Variants in MYH9 observed in about 807,000 individuals in gnomAD.
MYH9 encodes the protein myosin heavy chain 9, also known as myosin-9.
A neutral mutation model predicts 241.9 loss-of-function variants in MYH9; 29 were observed. The observed-to-expected ratio is 0.12, with a 90% CI of 0.09 to 0.16. The LOEUF (loss-of-function observed/expected upper bound fraction) is 0.16. Among genes scored for constraint, MYH9 ranks in the 10% least tolerant of loss-of-function variants. MYH9 has a pLI of 1.00. For synonymous variants in MYH9, 1,047 were observed against 1,062.6 expected (o/e 0.99, Z 0.29); for missense variants, 1,803 against 2,595.5 (o/e 0.69, Z 6.63).
chr22:36,337,166 C>T (rs540136163), intron 3 of MYH9, among the ~76,000 whole-genome samples: 2 of 152,250 alleles, frequency 1.3e-5, no homozygotes, highest in South Asian at 2.1e-4. Context: ...TTGCCCCCCA[C>T]GGAAACTTGA....
intron 3 of MYH9, among the ~76,000 whole-genome samples, chr22:36,336,291 G>A (rs1239368286): frequency 6.6e-6 from 1 of 152,226 alleles, no homozygotes; most frequent in Non-Finnish European, 1.5e-5. Flanking sequence ...TTCTCCTGTA[G>A]AGACATACAC....
At position 36,288,856 on chromosome 22, in the gene MYH9, C is replaced by T. The variant is rs752832018; in HGVS notation, c.4641G>A (p.Glu1547=). ...MKTQLEELED[E]LQATEDAKLR... ...GCTTGGCATCTTCGGTGGCCTGCAGCTCGTCCTCCAGCTCTTCCAGCTGCG... is the reference window on the plus strand; with the variant it reads ...GCTTGGCATCTTCGGTGGCCTGCAGTTCGTCCTCCAGCTCTTCCAGCTGCG... The change falls in exon 33 of 41, where the codon GAG becomes GAA. Residue 1547 remains glutamate (E), a synonymous_variant. Transcript: ENST00000216181. The surrounding 1 kb of genome is among the most constrained non-coding windows in gnomAD (Gnocchi z 4.8). 5.0e-6 allele frequency: 8 copies of T among 1,613,954 alleles called. No homozygotes were observed. In the African/African-American group the frequency reaches 8.0e-5, roughly 16 times the overall value.
chr22:36,351,225 T>C (rs1210324114), intron 1 of MYH9, among the ~76,000 whole-genome samples: 1 of 152,112 alleles, frequency 6.6e-6, no homozygotes, highest in Non-Finnish European at 1.5e-5. Flanking sequence ...GGGACACAAG[T>C]CCCAGGAACA....
At chr22:36,323,935 C>T (rs532795999) in intron 5 of MYH9, among the ~76,000 whole-genome samples, 3 of 152,330 alleles carry the variant, frequency 2.0e-5, no homozygotes, top group East Asian at 3.9e-4. Flanking sequence ...CGGGCTTCCA[C>T]CCACAGGCCT....
chr22:36,305,818 G>A lies in MYH9; in HGVS notation c.2159+112C>T. 1 of 1,476,744 alleles carries A rather than the reference G, an allele frequency of 6.8e-7. No homozygotes were observed. Among genetic ancestry groups the A allele is most frequent in the East Asian group, 2.3e-5 (1 of 43,862 alleles). 91.5% of individuals were successfully genotyped at this position (1,476,744 alleles called of 1,614,324 possible). A position where few individuals can be genotyped will look rare whatever the true frequency, so the allele number is the denominator to read the frequency against. On this transcript the variant is annotated intron_variant, in intron 17 of 40. Coordinates refer to ENST00000216181, the MANE Select transcript of MYH9 (RefSeq NM_002473.6). This position sits in a 1 kb window ranked among gnomAD's most constrained non-coding sequence, Gnocchi z 4.7. The stretch of plus-strand genomic sequence containing the variant: ...GGCCAGACTCAGTTCTACATGGATG[G>A]AGGACGTCGCTCCCTCACGACAGGA...
At chr22:36,322,320 T>C in intron 6 of MYH9, 109 bp downstream of exon 6, 1 of 1,229,946 alleles carries the variant, frequency 8.1e-7, no homozygotes, top group Non-Finnish European at 1.2e-6. Flanking sequence ...GCACCGAGTC[T>C]GAACCGTCCT....
At chr22:36,367,929 G>A (rs193002066) in intron 1 of MYH9, among the ~76,000 whole-genome samples, 21 of 152,160 alleles carry the variant, frequency 1.4e-4, no homozygotes, top group African/African-American at 4.6e-4. Context: ...ACACAGACAC[G>A]TGCAAAGATC....
Position 36,295,264 on chromosome 22 carries a change from T to C in MYH9, c.3486-188A>G, listed in dbSNP as rs1310996327. 2.0e-5 allele frequency among the ~76,000 whole-genome samples: 3 copies of C among 152,214 alleles called. No individual in the cohort carries two copies. The highest frequency in any genetic ancestry group is 1.3e-4 in the Admixed American group (2 of 15,284). On this transcript the variant is annotated intron_variant, in intron 26 of 40. Transcript: ENST00000216181. This position sits in a 1 kb window ranked among gnomAD's most constrained non-coding sequence, Gnocchi z 4.1. ...CAAATACGCCCTGTGAGAGCTTCTG[T>C]AGCCTTTCAGCTTTAAAGCCCAGCC...
intron 31 of MYH9, among the ~76,000 whole-genome samples, chr22:36,291,063 T>G: frequency 5.3e-5 from 7 of 132,150 alleles, no homozygotes; most frequent in African/African-American, 8.9e-5. Flanking sequence ...GGTGGGGGGG[T>G]CAGCCCCCCG....
rs1298823782 is a variant in MYH9, at chr22:36,314,139, A to T, written c.1554+6T>A. On this transcript the variant is annotated splice_donor_region_variant and intron_variant, in intron 13 of 40. Transcript: ENST00000216181. ...GGTGTGAGGTCAAAGCAAGCCTGGT[A>T]CTCACTGGCTTCTCAATGAGGTCGA... 1.2e-6 allele frequency: 2 copies of T among 1,613,610 alleles called. No homozygotes were observed. Among genetic ancestry groups the T allele is most frequent in the East Asian group, 4.5e-5 (2 of 44,888 alleles).
At chr22:36,338,829 A>AG in intron 3 of MYH9, among the ~76,000 whole-genome samples, 1 of 151,956 alleles carries the variant, frequency 6.6e-6, no homozygotes, top group African/African-American at 2.4e-5. Context: ...CAAAAAAAAA[A>AG]AAAAAGAAAA....
At chr22:36,336,345 C>A (rs1380675808) in intron 3 of MYH9, among the ~76,000 whole-genome samples, 2 of 152,230 alleles carry the variant, frequency 1.3e-5, no homozygotes, top group Admixed American at 1.3e-4. Flanking sequence ...GGCCCGGGAT[C>A]CAGAAGCACC....
At chr22:36,380,051 G>A (rs770891323) in intron 1 of MYH9, among the ~76,000 whole-genome samples, 7 of 152,210 alleles carry the variant, frequency 4.6e-5, no homozygotes, top group Non-Finnish European at 1.0e-4. Context: ...CAGGCCGCCC[G>A]CCCATGCAGT....
chr22:36,313,693 C>T (rs890575555), intron 13 of MYH9, among the ~76,000 whole-genome samples: 2 of 152,126 alleles, frequency 1.3e-5, no homozygotes, highest in African/African-American at 2.4e-5. Flanking sequence ...AGCTTTGGTA[C>T]GTGTACACCT....
chr22:36,313,523 C>G (rs561037981), intron 13 of MYH9, among the ~76,000 whole-genome samples: 10 of 150,682 alleles, frequency 6.6e-5, no homozygotes, highest in South Asian at 6.3e-4. Context: ...ACAGATCATA[C>G]CCTCAACAAG....
At chr22:36,357,616 G>C (rs1406947970) in intron 1 of MYH9, among the ~76,000 whole-genome samples, 1 of 152,108 alleles carries the variant, frequency 6.6e-6, no homozygotes, top group East Asian at 1.9e-4. Flanking sequence ...TGATTGAAGG[G>C]GTTCGTGTGA....
intron 3 of MYH9, among the ~76,000 whole-genome samples, chr22:36,334,040 C>T (rs986848260): frequency 2.0e-5 from 3 of 151,834 alleles, no homozygotes; most frequent in African/African-American, 7.3e-5. Context: ...TTTTATCTCC[C>T]GCTCAGTGGG....
chr22:36,282,567 C>CA lies in MYH9; in HGVS notation c.*100dup. 1 of 1,096,890 alleles carries CA rather than the reference C, an allele frequency of 9.1e-7. No homozygotes were observed. The highest frequency in any genetic ancestry group is 2.3e-5 in the East Asian group (1 of 42,604). 67.9% of individuals were successfully genotyped at this position (1,096,890 alleles called of 1,614,324 possible). On this transcript the variant is annotated 3_prime_UTR_variant, in exon 41 of 41. Coordinates refer to ENST00000216181, the MANE Select transcript of MYH9 (RefSeq NM_002473.6). Reference sequence around the variant, plus strand: ...CGGAGGGCAGGAGGAGGCATGTTCACAGCAGTCCCAAGAAGGTGGGGAGAG... The same window carrying CA: ...CGGAGGGCAGGAGGAGGCATGTTCACAAGCAGTCCCAAGAAGGTGGGGAGAG...
Position 36,295,923 on chromosome 22 carries a change from G to A in MYH9, c.3273-206C>T, listed in dbSNP as rs875726. Among the ~76,000 whole-genome samples the A allele has an allele frequency of 0.52, 79,630 of 152,094 alleles. 24,016 individuals carry two copies. The highest frequency in any genetic ancestry group is 0.69 in the Non-Finnish European group (46,755 of 67,970). On this transcript the variant is annotated intron_variant, in intron 25 of 40. Coordinates refer to ENST00000216181, the MANE Select transcript of MYH9 (RefSeq NM_002473.6). The surrounding 1 kb of genome is among the most constrained non-coding windows in gnomAD (Gnocchi z 4.1). Reference sequence around the variant, plus strand: ...CCTCTGAGAAGCAGAAAACCTCATAGAGGAATCGTTTCAATTTCCAAAGTA... The same window carrying A: ...CCTCTGAGAAGCAGAAAACCTCATAAAGGAATCGTTTCAATTTCCAAAGTA...
Sources: gnomAD v4.1 joint callset for allele counts (sites outside exome capture counted in the v4.1 genomes callset) on GRCh38, gnomAD v4.1.1 for gene constraint, Gnocchi (gnomAD v3.1) non-coding constraint, MANE v1.5 for transcripts, NCBI Gene and HGNC (gene_info 2026-07-23, HGNC 2026-07-21) for gene names.